The following RGS7 variants were observed in gnomAD, a reference collection of about 807,000 sequenced individuals.
RGS7 encodes regulator of G protein signaling 7.
In RGS7, 27 loss-of-function variants were observed where a neutral mutation model predicts 81.1. The observed-to-expected ratio is 0.33, with a 90% CI of 0.25 to 0.46. RGS7 has a LOEUF of 0.46. Among genes scored for constraint, RGS7 ranks in the 20% least tolerant of loss-of-function variants. The pLI is 1.00. For synonymous variants in RGS7, 208 were observed against 207.7 expected (o/e 1.00, Z -0.01); for missense variants, 396 against 607.4 (o/e 0.65, Z 3.66).
rs543806806 is a variant in RGS7, at chr1:240,974,960, GCTTGAAA to G, written c.226+8112_226+8118del. Among the ~76,000 whole-genome samples, 47 of 151,892 alleles carry G rather than the reference GCTTGAAA, an allele frequency of 3.1e-4. 2 individuals carry two copies. The South Asian group carries it at 9.6e-3, about 31-fold the overall frequency. ...TGCCCAATGCCTGTAACCAGTAAGT[GCTTGAAA>G]CAGGATTGAAGCTCAAGCATGTCTG... is the stretch of plus-strand genomic sequence containing the variant. On this transcript the variant is annotated intron_variant, in intron 4 of 18. Coordinates refer to ENST00000440928, the MANE Select transcript of RGS7 (RefSeq NM_001364886.1).
intron 2 of RGS7, among the ~76,000 whole-genome samples, chr1:241,248,055 A>C (rs1362306689): frequency 6.6e-6 from 1 of 152,176 alleles, no homozygotes. Context: ...GTGAAGGTAT[A>C]TCTTTCTCCC....
intron 4 of RGS7, among the ~76,000 whole-genome samples, chr1:240,963,315 G>T (rs1681762975): frequency 6.6e-6 from 1 of 152,168 alleles, no homozygotes; most frequent in Non-Finnish European, 1.5e-5. Flanking sequence ...GCTCAGAAGA[G>T]AGTCCAGAGG....
chr1:241,155,613 T>A (rs2069068013), intron 2 of RGS7, among the ~76,000 whole-genome samples: 1 of 150,144 alleles, frequency 6.7e-6, no homozygotes, highest in African/African-American at 2.5e-5. Flanking sequence ...CCTAGGCTGT[T>A]ACAAAAGTTA....
chr1:241,350,061 C>A (rs925371932), intron 2 of RGS7, among the ~76,000 whole-genome samples: 5 of 152,146 alleles, frequency 3.3e-5, no homozygotes, highest in African/African-American at 1.2e-4. Context: ...AAAATTCAGG[C>A]CACAAATCCT....
intron 2 of RGS7, among the ~76,000 whole-genome samples, chr1:241,279,180 T>A (rs1323472473): frequency 6.6e-6 from 1 of 151,724 alleles, no homozygotes; most frequent in Admixed American, 6.6e-5. Flanking sequence ...AATTACATAG[T>A]AATACACTGG....
intron 6 of RGS7, among the ~76,000 whole-genome samples, chr1:240,911,940 G>A (rs1236336115): frequency 2.7e-5 from 4 of 150,486 alleles, no homozygotes; most frequent in Non-Finnish European, 5.9e-5. Flanking sequence ...AGGAGATGGA[G>A]ACTATCCTGG....
intron 2 of RGS7, among the ~76,000 whole-genome samples, chr1:241,259,667 A>AAAAAAAAAAAAAAAAAAAAAATATAT: frequency 6.1e-5 from 3 of 49,146 alleles, no homozygotes; most frequent in Admixed American, 3.8e-4. Context: ...AAAAAAAAAA[A>AAAAAAAAAAAAAAAAAAAAAATATAT]ATATATATAT....
At chr1:240,847,071 C>T (rs542989799) in intron 9 of RGS7, among the ~76,000 whole-genome samples, 7 of 152,270 alleles carry the variant, frequency 4.6e-5, no homozygotes, top group East Asian at 3.9e-4. Context: ...ATTTGTTATA[C>T]GGCAATAGAT....
intron 6 of RGS7, among the ~76,000 whole-genome samples, chr1:240,873,960 C>T (rs1393383675): frequency 6.6e-6 from 1 of 151,978 alleles, no homozygotes; most frequent in Admixed American, 6.6e-5. Context: ...TACAATCTTC[C>T]TTCTCATGCT....
intron 6 of RGS7, among the ~76,000 whole-genome samples, chr1:240,929,897 A>G (rs1675108920): frequency 6.6e-6 from 1 of 152,222 alleles, no homozygotes; most frequent in Admixed American, 6.5e-5. Flanking sequence ...ACTCTACAGT[A>G]ACTCCTTCTG....
At chr1:241,172,135 C>T (rs2070778630) in intron 2 of RGS7, among the ~76,000 whole-genome samples, 1 of 152,190 alleles carries the variant, frequency 6.6e-6, no homozygotes, top group Admixed American at 6.5e-5. Flanking sequence ...GCTGCCTTTC[C>T]ATGATTCCCA....
At chr1:241,008,906 T>A (rs1250049619) in intron 3 of RGS7, among the ~76,000 whole-genome samples, 2 of 108,208 alleles carry the variant, frequency 1.8e-5, no homozygotes, top group African/African-American at 7.3e-5. Context: ...AGCAAGACTC[T>A]GTCTCCAAAA....
intron 2 of RGS7, among the ~76,000 whole-genome samples, chr1:241,141,772 T>C (rs941875195): frequency 2.0e-5 from 3 of 152,230 alleles, no homozygotes; most frequent in African/African-American, 7.2e-5. Flanking sequence ...CATATCATTA[T>C]GCCCCTGGCC....
intron 2 of RGS7, among the ~76,000 whole-genome samples, chr1:241,175,727 G>A (rs948900880): frequency 6.6e-6 from 1 of 152,150 alleles, no homozygotes; most frequent in Non-Finnish European, 1.5e-5. Flanking sequence ...AGTTAAACCT[G>A]GAAAAATCAG....
At chr1:241,253,114 A>T (rs185069901) in intron 2 of RGS7, among the ~76,000 whole-genome samples, 6 of 152,372 alleles carry the variant, frequency 3.9e-5, no homozygotes, top group African/African-American at 1.2e-4. Context: ...CCTATTCTTG[A>T]TGCTATGCCT....
chr1:240,844,410 A>G (rs9661172), intron 9 of RGS7, among the ~76,000 whole-genome samples: 101,951 of 151,286 alleles, frequency 0.67, 34,739 homozygotes, highest in Middle Eastern at 0.77. Context: ...TGCTATCATC[A>G]CCCCAACCCC....
intron 2 of RGS7, among the ~76,000 whole-genome samples, chr1:241,341,191 C>T (rs762726314): frequency 2.4e-4 from 37 of 152,138 alleles, no homozygotes; most frequent in African/African-American, 6.3e-4. Flanking sequence ...ACAACACCAT[C>T]GTGAAGCAGA....
chr1:241,330,361 T>A (rs149373179), intron 2 of RGS7, among the ~76,000 whole-genome samples: 2 of 152,210 alleles, frequency 1.3e-5, no homozygotes. Flanking sequence ...TCTATCAGAT[T>A]CAAAAAACAA....
At chr1:240,995,948 T>C (rs1687218499) in intron 3 of RGS7, among the ~76,000 whole-genome samples, 1 of 152,128 alleles carries the variant, frequency 6.6e-6, no homozygotes, top group South Asian at 2.1e-4. Context: ...TACATTTATG[T>C]TATAAATATT....
Sources: allele counts gnomAD v4.1 joint callset (sites outside exome capture counted in the v4.1 genomes callset), GRCh38; gene constraint gnomAD v4.1.1; transcripts MANE v1.5; gene names NCBI Gene and HGNC (gene_info 2026-07-23, HGNC 2026-07-21).